YAP1: variants seen among roughly 807,000 people sequenced by gnomAD.
YAP1 encodes the protein transcriptional coactivator YAP1.
Under a neutral mutation model 56.9 loss-of-function variants are expected in YAP1, and 5 were observed. The observed-to-expected ratio is 0.09, with a 90% CI of 0.05 to 0.18. YAP1 has a LOEUF of 0.18. Ranked by LOEUF, YAP1 falls within the 10% of genes least tolerant of loss-of-function variation. The pLI is 1.00. For missense variants in YAP1, 539 were observed against 651.8 expected (o/e 0.83, Z 1.88); for synonymous variants, 265 against 248.1 (o/e 1.07, Z -0.64).
At chr11:102,144,811 G>A (rs368508706) in intron 2 of YAP1, among the ~76,000 whole-genome samples, 11 of 151,644 alleles carry the variant, frequency 7.3e-5, no homozygotes, top group African/African-American at 1.2e-4. Context: ...AAAACGTGTC[G>A]ATGTAGTTAT....
At chr11:102,179,311 A>G (rs1316603574) in intron 3 of YAP1, among the ~76,000 whole-genome samples, 1 of 152,158 alleles carries the variant, frequency 6.6e-6, no homozygotes, top group Non-Finnish European at 1.5e-5. Context: ...CTAAGGGCCC[A>G]GCTTTCGAGT....
At chr11:102,142,951 T>C (rs982139287) in intron 2 of YAP1, among the ~76,000 whole-genome samples, 2 of 152,206 alleles carry the variant, frequency 1.3e-5, no homozygotes, top group Non-Finnish European at 2.9e-5. Flanking sequence ...AATACTTAGG[T>C]GTAGTCTCTT....
intron 4 of YAP1, among the ~76,000 whole-genome samples, chr11:102,187,220 TAAA>T (rs1021768530): frequency 1.3e-5 from 2 of 152,140 alleles, no homozygotes; most frequent in Non-Finnish European, 2.9e-5. Flanking sequence ...TATATACCTT[TAAA>T]AAAATAAATT....
At chr11:102,172,182 G>A (rs1322875651) in intron 3 of YAP1, among the ~76,000 whole-genome samples, 3 of 122,174 alleles carry the variant, frequency 2.5e-5, no homozygotes, top group African/African-American at 6.4e-5. Context: ...GACAAGAGCA[G>A]AACTTCTTCT....
At chr11:102,157,266 A>ATGGACATATACAAATATAAAAAGCCT (rs1946010363) in intron 2 of YAP1, among the ~76,000 whole-genome samples, 1 of 152,162 alleles carries the variant, frequency 6.6e-6, no homozygotes, top group Non-Finnish European at 1.5e-5. Context: ...ATAGTCCACC[A>ATGGACATATACAAATATAAAAAGCCT]TGGACATATA....
intron 2 of YAP1, among the ~76,000 whole-genome samples, chr11:102,160,569 G>A (rs192453826): frequency 2.0e-4 from 31 of 152,158 alleles, no homozygotes; most frequent in Non-Finnish European, 3.1e-4. Context: ...AATTCTACTC[G>A]GCTAGTAGCA....
At chr11:102,220,643 A>T (rs146640367) in intron 6 of YAP1, among the ~76,000 whole-genome samples, 1 of 152,338 alleles carries the variant, frequency 6.6e-6, no homozygotes, top group African/African-American at 2.4e-5. Flanking sequence ...CTAGACTAGT[A>T]AGGAGAGATG....
At chr11:102,211,166 C>CA (rs34954110) in intron 6 of YAP1, among the ~76,000 whole-genome samples, 2 of 152,122 alleles carry the variant, frequency 1.3e-5, no homozygotes, top group East Asian at 1.9e-4. Flanking sequence ...TCCTCCATGC[C>CA]AAAAAAATGT....
At chr11:102,129,930 T>TC (rs949851606) in intron 2 of YAP1, among the ~76,000 whole-genome samples, 5 of 149,818 alleles carry the variant, frequency 3.3e-5, no homozygotes, top group Admixed American at 6.7e-5. Context: ...TGCCTCAGCC[T>TC]CCCCAGCAGC....
At chr11:102,217,940 A>T (rs923547025) in intron 6 of YAP1, among the ~76,000 whole-genome samples, 3 of 152,134 alleles carry the variant, frequency 2.0e-5, no homozygotes. Flanking sequence ...ACCTCAGGTG[A>T]TCTGCCCACC....
chr11:102,129,618 CAA>C (rs139054273), intron 2 of YAP1, among the ~76,000 whole-genome samples: 86,530 of 100,180 alleles, frequency 0.86, 36,959 homozygotes, highest in Middle Eastern at 0.9. Context: ...ACTCTGTCTC[CAA>C]AAAAAAAAAA....
chr11:102,192,792 C>G (rs1407834181), intron 4 of YAP1, among the ~76,000 whole-genome samples: 2 of 152,152 alleles, frequency 1.3e-5, no homozygotes, highest in African/African-American at 4.8e-5. Flanking sequence ...TTTATTGCAC[C>G]ATTTAAGTTT....
chr11:102,161,520 A>G (rs1298814143), intron 2 of YAP1, among the ~76,000 whole-genome samples: 2 of 152,090 alleles, frequency 1.3e-5, no homozygotes, highest in African/African-American at 4.8e-5. Context: ...ATATATATCC[A>G]TGTTTAACCA....
chr11:102,117,464 G>A (rs1343312542), intron 2 of YAP1, among the ~76,000 whole-genome samples: 2 of 152,234 alleles, frequency 1.3e-5, no homozygotes, highest in African/African-American at 4.8e-5. Context: ...AGACAGGCAA[G>A]ACGATGTAAT....
chr11:102,150,490 C>A (rs1391354958), intron 2 of YAP1, among the ~76,000 whole-genome samples: 1 of 152,080 alleles, frequency 6.6e-6, no homozygotes, highest in African/African-American at 2.4e-5. Flanking sequence ...TCAAATAGTT[C>A]AGTTACCAAT....
At chr11:102,226,435 A>G (rs1162869030) in intron 7 of YAP1, among the ~76,000 whole-genome samples, 3 of 152,124 alleles carry the variant, frequency 2.0e-5, no homozygotes, top group African/African-American at 7.2e-5. Context: ...TTATTTTTTA[A>G]CTTTTATGTA....
chr11:102,115,002 C>T (rs901234349), intron 2 of YAP1, among the ~76,000 whole-genome samples: 3 of 152,114 alleles, frequency 2.0e-5, no homozygotes, highest in Non-Finnish European at 4.4e-5. Flanking sequence ...TTCTTTCAAG[C>T]TAGTAGGTCT....
intron 2 of YAP1, among the ~76,000 whole-genome samples, chr11:102,150,498 A>G (rs1220591973): frequency 6.6e-6 from 1 of 152,162 alleles, no homozygotes; most frequent in Admixed American, 6.5e-5. Flanking sequence ...TTCAGTTACC[A>G]ATTAAGCCTG....
chr11:102,159,640 T>TCACA (rs1946150811), intron 2 of YAP1, among the ~76,000 whole-genome samples: 1 of 152,008 alleles, frequency 6.6e-6, no homozygotes, highest in African/African-American at 2.4e-5. Flanking sequence ...GTACCAGGAG[T>TCACA]CACAGTCCTG....
Sources: allele counts gnomAD v4.1 joint callset (sites outside exome capture counted in the v4.1 genomes callset), GRCh38; gene constraint gnomAD v4.1.1; transcripts MANE v1.5; gene names NCBI Gene and HGNC (gene_info 2026-07-23, HGNC 2026-07-21).